Variants in TMOD3 observed in about 807,000 individuals in gnomAD.
The protein encoded by TMOD3 is tropomodulin-3.
A neutral mutation model predicts 39.2 loss-of-function variants in TMOD3; 20 were observed. The ratio of observed to expected loss-of-function variants is 0.51; its 90% CI spans 0.36 to 0.74. The LOEUF (loss-of-function observed/expected upper bound fraction) is 0.74, where lower values mean the gene tolerates loss of function less well. Ranked by LOEUF, TMOD3 falls within the 30% of genes least tolerant of loss-of-function variation. The pLI is 0.00. For synonymous variants in TMOD3, 143 were observed against 145.8 expected, an observed-to-expected ratio of 0.98 and a Z score of 0.14; for missense variants, 381 against 412.8, an observed-to-expected ratio of 0.92 and a Z score of 0.67.
chr15:51,856,942 T>C (rs996541691), intron 1 of TMOD3, among the ~76,000 whole-genome samples: 3 of 152,180 alleles, frequency 2.0e-5, no homozygotes, highest in Admixed American at 6.5e-5. Context: ...AGAAACTCTC[T>C]CACGCATGTG....
intron 3 of TMOD3, among the ~76,000 whole-genome samples, chr15:51,885,045 A>G (rs1266386461): frequency 1.3e-5 from 2 of 152,224 alleles, no homozygotes; most frequent in Admixed American, 1.3e-4. Context: ...ACTAACATGC[A>G]CATCAGAGCT....
chr15:51,882,624 A>C (rs1037151180), intron 3 of TMOD3, among the ~76,000 whole-genome samples: 1 of 152,222 alleles, frequency 6.6e-6, no homozygotes, highest in Non-Finnish European at 1.5e-5. Context: ...TCAGTTGACC[A>C]TAAGTATAAG....
intron 1 of TMOD3, among the ~76,000 whole-genome samples, chr15:51,838,510 C>G (rs544126215): frequency 1.3e-5 from 2 of 152,266 alleles, no homozygotes; most frequent in African/African-American, 4.8e-5. Context: ...TGACCTACCA[C>G]TGGTACCCAG....
At chr15:51,907,722 G>T (rs2056689343) in intron 9 of TMOD3, among the ~76,000 whole-genome samples, 1 of 152,222 alleles carries the variant, frequency 6.6e-6, no homozygotes, top group Non-Finnish European at 1.5e-5. Flanking sequence ...TGATAGCCCT[G>T]AATTGGTGGC....
At chr15:51,860,946 C>T in intron 1 of TMOD3, 1 of 477,894 alleles carries the variant, frequency 2.1e-6, no homozygotes, top group Non-Finnish European at 4.1e-6. Flanking sequence ...AAAAAACAAA[C>T]AAAAACCTAC....
chr15:51,842,288 T>G (rs1954544855), intron 1 of TMOD3, among the ~76,000 whole-genome samples: 1 of 152,198 alleles, frequency 6.6e-6, no homozygotes, highest in South Asian at 2.1e-4. Flanking sequence ...TGCTTCTCCA[T>G]AGGCGAATAC....
chr15:51,846,651 T>G (rs2056337432), intron 1 of TMOD3, among the ~76,000 whole-genome samples: 1 of 152,220 alleles, frequency 6.6e-6, no homozygotes, highest in South Asian at 2.1e-4. Flanking sequence ...GGCTGAGCAT[T>G]GATAAATCTT....
intron 5 of TMOD3, among the ~76,000 whole-genome samples, chr15:51,892,155 G>A (rs2056596838): frequency 6.6e-6 from 1 of 152,170 alleles, no homozygotes. Context: ...CTCAAGATGA[G>A]TTTTGCTGCT....
chr15:51,900,294 A>G lies in TMOD3; in HGVS notation c.875A>G (p.Asn292Ser), dbSNP rs767972951. ...NETLAELKID[N>S]QRQQLGTAVE... ...ACCCTGGCAGAGCTCAAGATTGACAATCAGGTCAATGTTCTACAATAATAA... is the reference window on the plus strand; with the variant it reads ...ACCCTGGCAGAGCTCAAGATTGACAGTCAGGTCAATGTTCTACAATAATAA... Residue 292 changes from asparagine to serine, a missense_variant, in exon 8 of 10, where the codon AAT becomes AGT. Coordinates refer to ENST00000308580, the MANE Select transcript of TMOD3 (RefSeq NM_014547.5). The G allele has an allele frequency of 7.4e-6, 12 of 1,614,126 alleles. No homozygotes were observed. The highest frequency in any genetic ancestry group is 2.2e-5 in the East Asian group (1 of 44,882).
In TMOD3 at chr15:51,909,681, A is replaced by T. The variant is rs1943408528; in HGVS notation, c.*871A>T. ...AAACTGTTAAACAATGAAATCAAAG[A>T]TAATAAATATGATAGATTTCCAGTA... On this transcript the variant is annotated 3_prime_UTR_variant, in exon 10 of 10. Coordinates refer to ENST00000308580, the MANE Select transcript of TMOD3 (RefSeq NM_014547.5). 1 of 152,238 alleles carries T rather than the reference A, an allele frequency of 6.6e-6. No homozygotes were observed. Among genetic ancestry groups the T allele is most frequent in the Non-Finnish European group, 1.5e-5 (1 of 68,036 alleles). 9.4% of individuals were successfully genotyped at this position (152,238 alleles called of 1,614,324 possible).
rs150692636 is a variant in TMOD3, at chr15:51,893,842, C to G, written c.524C>G (p.Pro175Arg). 4.4e-6 allele frequency: 7 copies of G among 1,606,222 alleles called. No homozygotes were observed. The Admixed American group carries it at 8.4e-5, about 19-fold the overall frequency. The part of the protein sequence containing the change: ...SNVVKGEKIL[P>R]VFDEPPNPTN... Reference sequence around the variant, plus strand: ...GTGGTCAAAGGTGAAAAGATTCTTCCGGTATTTGATGAGCCACCAAATCCA... The same window carrying G: ...GTGGTCAAAGGTGAAAAGATTCTTCGGGTATTTGATGAGCCACCAAATCCA... Residue 175 changes from proline to arginine, a missense_variant, in exon 6 of 10, where the codon CCG (proline) becomes CGG (arginine). Physicochemically the swap from Pro to Arg is moderately radical, Grantham distance 103 (BLOSUM62 -2). Coordinates refer to ENST00000308580, the MANE Select transcript of TMOD3 (RefSeq NM_014547.5).
intron 4 of TMOD3, among the ~76,000 whole-genome samples, chr15:51,888,064 C>G (rs1308729352): frequency 6.6e-6 from 1 of 152,172 alleles, no homozygotes; most frequent in Non-Finnish European, 1.5e-5. Context: ...AACCGCTGAC[C>G]TACTTTATCA....
chr15:51,882,102 C>T (rs1022271289), intron 3 of TMOD3, among the ~76,000 whole-genome samples: 2 of 151,738 alleles, frequency 1.3e-5, no homozygotes, highest in Non-Finnish European at 2.9e-5. Flanking sequence ...ACCTTGTTGG[C>T]CAGGCTGGTC....
intron 7 of TMOD3, among the ~76,000 whole-genome samples, chr15:51,898,568 G>A (rs2056633079): frequency 6.6e-6 from 1 of 152,152 alleles, no homozygotes; most frequent in African/African-American, 2.4e-5. Flanking sequence ...TAGACCATCA[G>A]TAATATTCGA....
intron 1 of TMOD3, among the ~76,000 whole-genome samples, chr15:51,840,655 C>T (rs981149645): frequency 1.3e-5 from 2 of 152,126 alleles, no homozygotes; most frequent in Admixed American, 6.5e-5. Flanking sequence ...ATAATAATTT[C>T]TCCTGCCCTT....
chr15:51,897,481 A>AT (rs2056626681), intron 7 of TMOD3, among the ~76,000 whole-genome samples: 9 of 136,994 alleles, frequency 6.6e-5, no homozygotes, highest in African/African-American at 8.6e-5. Flanking sequence ...AAAAAAAAAA[A>AT]ATTTTTTTTT....
At chr15:51,865,508 T>C (rs2056440969) in intron 2 of TMOD3, among the ~76,000 whole-genome samples, 2 of 152,200 alleles carry the variant, frequency 1.3e-5, no homozygotes. Context: ...ATCTGTTGGC[T>C]AATTTTTTAT....
rs761926456 is a variant in TMOD3 at position 51,843,684 on chromosome 15, G to GA, written c.-75+13850dup. On this transcript the variant is annotated intron_variant, in intron 1 of 9. Transcript: ENST00000308580. ...GCAGGGCTCAGAGACATAGGGCTTT[G>GA]AAGAGCCTGCATAGGACTTTAGAAA... 1.2e-4 allele frequency among the ~76,000 whole-genome samples: 18 copies of GA among 152,274 alleles called. No homozygotes were observed. In the Middle Eastern group the frequency reaches 0.01, roughly 86 times the overall value.
intron 1 of TMOD3, among the ~76,000 whole-genome samples, chr15:51,836,767 C>A (rs960610408): frequency 6.6e-6 from 1 of 150,644 alleles, no homozygotes; most frequent in Non-Finnish European, 1.5e-5. Flanking sequence ...TACTGAAATA[C>A]AGTCAAGGTT....
Sources: allele counts gnomAD v4.1 joint callset (sites outside exome capture counted in the v4.1 genomes callset), GRCh38; gene constraint gnomAD v4.1.1; transcripts MANE v1.5; gene names NCBI Gene and HGNC (gene_info 2026-07-23, HGNC 2026-07-21).